ZNF516: variants seen among roughly 807,000 people sequenced by gnomAD.
ZNF516 encodes zinc finger protein 516.
A neutral mutation model predicts 79.7 loss-of-function variants in ZNF516; 19 were observed. The ratio of observed to expected loss-of-function variants is 0.24; its 90% CI spans 0.17 to 0.35. ZNF516 has a LOEUF of 0.35. ZNF516 is among the 10% of genes least tolerant of loss of function. ZNF516 has a pLI of 1.00. For synonymous variants in ZNF516, 877 were observed against 739.5 expected (o/e 1.19, Z -3.02); for missense variants, 1,678 against 1,679.5 (o/e 1.00, Z 0.02).
rs1912406685 is a variant in ZNF516, at chr18:76,451,419, G to A, written c.-157-8208C>T. The stretch of plus-strand genomic sequence containing the variant: ...ACAGGGCATTCCTCAGGAGGGGCTG[G>A]AGTGAACGGGAGGAATTGGGGAGGG... On this transcript the variant is annotated intron_variant, in intron 2 of 6. Transcript: ENST00000443185. This position sits in a 1 kb window ranked among gnomAD's most constrained non-coding sequence, Gnocchi z 6.0. Among the ~76,000 whole-genome samples the A allele has an allele frequency of 6.6e-6, 1 of 152,216 alleles. No homozygotes were observed. Among genetic ancestry groups the A allele is most frequent in the Non-Finnish European group, 1.5e-5 (1 of 68,044 alleles).
At chr18:76,371,786 A>C (rs2074711978) in intron 4 of ZNF516, among the ~76,000 whole-genome samples, 1 of 152,158 alleles carries the variant, frequency 6.6e-6, no homozygotes. Flanking sequence ...GGATGCATAA[A>C]TTACAGCGAA....
At chr18:76,490,783 G>C (rs1456216362) in intron 1 of ZNF516, 1 of 985,346 alleles carries the variant, frequency 1.0e-6, no homozygotes, top group Non-Finnish European at 1.2e-6. Context: ...GTGACTTGCT[G>C]GTTAAGTCAC....
intron 4 of ZNF516, among the ~76,000 whole-genome samples, chr18:76,377,798 C>A (rs2074812719): frequency 6.6e-6 from 1 of 151,522 alleles, no homozygotes; most frequent in African/African-American, 2.4e-5. Context: ...TCACTGCAAC[C>A]TCCGCCTCCT....
upstream of ZNF516, chr18:76,495,881 A>T: frequency 2.1e-6 from 1 of 467,068 alleles, no homozygotes; most frequent in Non-Finnish European, 3.2e-6. Context: ...CAATACATTA[A>T]GTCCTGAATC....
chr18:76,441,152 G>A (rs978885058), intron 3 of ZNF516, 93 bp downstream of exon 3: 1 of 1,466,318 alleles, frequency 6.8e-7, no homozygotes, highest in Non-Finnish European at 9.1e-7. Context: ...AGGGGCTAAT[G>A]AGCGAGCCTA....
chr18:76,482,060 A>ACC, intron 1 of ZNF516, among the ~76,000 whole-genome samples: 1 of 152,222 alleles, frequency 6.6e-6, no homozygotes, highest in Non-Finnish European at 1.5e-5. Flanking sequence ...TAAAACAACC[A>ACC]GTATTAAAGT....
intron 1 of ZNF516, among the ~76,000 whole-genome samples, chr18:76,480,152 T>C (rs1413047895): frequency 1.6e-4 from 18 of 114,510 alleles, no homozygotes; most frequent in Non-Finnish European, 2.7e-4. Context: ...GCACTGAAGA[T>C]TTTGTGTAAA....
upstream of ZNF516, chr18:76,495,694 A>G: frequency 8.4e-7 from 1 of 1,196,168 alleles, no homozygotes; most frequent in Non-Finnish European, 1.1e-6. Context: ...ATCCATACGT[A>G]CAGACGTGCT....
intron 2 of ZNF516, among the ~76,000 whole-genome samples, chr18:76,444,172 C>G (rs978346542): frequency 2.0e-4 from 31 of 152,180 alleles, no homozygotes; most frequent in African/African-American, 7.5e-4. Context: ...AGCAGCAGAA[C>G]GATGAGCCAG....
intron 2 of ZNF516, among the ~76,000 whole-genome samples, chr18:76,448,974 G>A (rs1446505404): frequency 6.6e-6 from 1 of 152,158 alleles, no homozygotes; most frequent in Non-Finnish European, 1.5e-5. Flanking sequence ...GCTCACCTGG[G>A]AACCACACTG....
chr18:76,488,473 C>T (rs1296978923), intron 1 of ZNF516, among the ~76,000 whole-genome samples: 3 of 132,380 alleles, frequency 2.3e-5, no homozygotes, highest in African/African-American at 5.5e-5. Context: ...CCTTGGACTA[C>T]GTTCAGTAGA....
rs1454764847 is a variant in ZNF516, at chr18:76,441,556, C to T, written c.1499G>A (p.Arg500His). Reference sequence around the variant, plus strand: ...GGTGGCTGCGGCCCTGCGGTTGGGGCGCGCGGCCGAGCGGGGATCGAGGTG... The same window carrying T: ...GGTGGCTGCGGCCCTGCGGTTGGGGTGCGCGGCCGAGCGGGGATCGAGGTG... ...AGHLDPRSAA[R>H]PNRRAAATTG... The change falls in exon 3 of 7, where the codon CGC (arginine) becomes CAC (histidine). Residue 500 changes from arginine (R) to histidine (H), a missense_variant. By Grantham distance (29) the Arg-to-His change is conservative. Transcript: ENST00000443185. 2 of 1,524,858 alleles carry T rather than the reference C, an allele frequency of 1.3e-6. No individual in the cohort carries two copies. The highest frequency in any genetic ancestry group is 1.8e-6 in the Non-Finnish European group (2 of 1,139,604). The allele number at this position is 1,524,858 out of a possible 1,614,324, so 94.5% of individuals were successfully genotyped here.
chr18:76,394,544 G>C (rs1195287151), intron 3 of ZNF516, among the ~76,000 whole-genome samples: 93 of 330 alleles, frequency 0.28, 42 homozygotes, highest in Non-Finnish European at 0.41. Context: ...TGGGGGGAAG[G>C]CAGGTGGTCA....
intron 3 of ZNF516, among the ~76,000 whole-genome samples, chr18:76,435,187 T>G (rs1222363361): frequency 6.6e-6 from 1 of 152,200 alleles, no homozygotes; most frequent in Non-Finnish European, 1.5e-5. Flanking sequence ...CCAAAATGTC[T>G]GCCTGATGTT....
At chr18:76,482,743 G>A (rs1914599386) in intron 1 of ZNF516, among the ~76,000 whole-genome samples, 3 of 152,280 alleles carry the variant, frequency 2.0e-5, no homozygotes, top group East Asian at 1.9e-4. Context: ...CTCATGCAAT[G>A]AAATAGGCAG....
intron 1 of ZNF516, among the ~76,000 whole-genome samples, chr18:76,470,410 T>G (rs1250810553): frequency 6.6e-6 from 1 of 152,172 alleles, no homozygotes; most frequent in Non-Finnish European, 1.5e-5. Flanking sequence ...CACTAACTGC[T>G]TAAGAAATTC....
In ZNF516 at chr18:76,442,348, A is replaced by C; in HGVS notation, c.707T>G (p.Val236Gly). 1 of 1,610,286 alleles carries C rather than the reference A, an allele frequency of 6.2e-7. No individual in the cohort carries two copies. The highest frequency in any genetic ancestry group is 1.3e-5 in the African/African-American group (1 of 75,010). ...AQGPGSGEAC[V>G]ENGKPELSPG... ...GCTCAGCTCGGGCTTGCCGTTCTCCACGCAGGCCTCGCCGCTGCCGGGCCC... is the reference window on the plus strand; with the variant it reads ...GCTCAGCTCGGGCTTGCCGTTCTCCCCGCAGGCCTCGCCGCTGCCGGGCCC... The change falls in exon 3 of 7, where the codon GTG becomes GGG. Residue 236 changes from valine (V) to glycine (G), a missense_variant. Val to Gly is a moderately radical substitution (Grantham distance 109). Transcript: ENST00000443185.
At chr18:76,489,752 C>G (rs184678394) in intron 1 of ZNF516, among the ~76,000 whole-genome samples, 1 of 152,208 alleles carries the variant, frequency 6.6e-6, no homozygotes, top group African/African-American at 2.4e-5. Flanking sequence ...AGACACATTT[C>G]TCAAAGTTAA....
At position 76,455,478 on chromosome 18, in the gene ZNF516, G is replaced by A. The variant is rs528590985; in HGVS notation, c.-158+7550C>T. On this transcript the variant is annotated intron_variant, in intron 2 of 6. Transcript: ENST00000443185. ...ATGGAGGCTGGAAAGGATCACTGCC[G>A]GCACAGGTGGGGGACTTCAAGGACT... is the stretch of plus-strand genomic sequence containing the variant. Among the ~76,000 whole-genome samples the A allele has an allele frequency of 8.5e-5, 13 of 152,254 alleles. No homozygotes were observed. The South Asian group carries it at 2.5e-3, about 29-fold the overall frequency.
Sources: gnomAD v4.1 joint callset for allele counts (sites outside exome capture counted in the v4.1 genomes callset) on GRCh38, gnomAD v4.1.1 for gene constraint, Gnocchi (gnomAD v3.1) non-coding constraint, MANE v1.5 for transcripts, NCBI Gene and HGNC (gene_info 2026-07-23, HGNC 2026-07-21) for gene names.